SEC22C: variants seen among roughly 807,000 people sequenced by gnomAD.
SEC22C encodes the protein SEC22 homolog C, vesicle trafficking protein.
In SEC22C, 29 loss-of-function variants were observed where a neutral mutation model predicts 34.7. The ratio of observed to expected loss-of-function variants is 0.84; its 90% CI spans 0.62 to 1.14. The LOEUF (loss-of-function observed/expected upper bound fraction) is 1.14, where lower values mean the gene tolerates loss of function less well. Among genes scored for constraint, SEC22C ranks in the 50% most tolerant of loss-of-function variants. The probability of loss-of-function intolerance (pLI) is 0.00; values close to 1 mark genes in which losing one functional copy is unlikely to be tolerated. For synonymous variants in SEC22C, 117 were observed against 132.8 expected, an observed-to-expected ratio of 0.88 and a Z score of 0.82; for missense variants, 337 against 369.0, an observed-to-expected ratio of 0.91 and a Z score of 0.71.
In SEC22C at chr3:42,552,749, T is replaced by C. The variant is rs1702310059; in HGVS notation, c.*499A>G. 3 of 982,008 alleles carry C rather than the reference T, an allele frequency of 3.1e-6. No homozygotes were observed. Among genetic ancestry groups the C allele is most frequent in the Non-Finnish European group, 2.4e-6 (2 of 826,860 alleles). The allele number at this position is 982,008 out of a possible 1,614,324, so 60.8% of individuals were successfully genotyped here. A position where few individuals can be genotyped will look rare whatever the true frequency, so the allele number is the denominator to read the frequency against. On this transcript the variant is annotated 3_prime_UTR_variant, in exon 7 of 7. Coordinates refer to ENST00000264454, the MANE Select transcript of SEC22C (RefSeq NM_032970.4). ...TGAAAAAATGTAAACAAAATTTATC[T>C]AGCTTACATTTATGAACCATATTTT...
At chr3:42,556,124 C>G (rs900767517) in intron 5 of SEC22C, 129 bp from the exon 6 acceptor site, 22 of 680,644 alleles carry the variant, frequency 3.2e-5, no homozygotes, top group Non-Finnish European at 5.3e-5. Context: ...GGGTGAGACA[C>G]AAGTTCCTGT....
intron 1 of SEC22C, among the ~76,000 whole-genome samples, chr3:42,595,911 C>CT (rs745337035): frequency 2.1e-3 from 315 of 152,322 alleles, no homozygotes; most frequent in Non-Finnish European, 3.8e-3. Flanking sequence ...GGTTGTGAGA[C>CT]TGAGATAACG....
intron 6 of SEC22C, among the ~76,000 whole-genome samples, chr3:42,555,129 A>G (rs1702454612): frequency 6.6e-6 from 1 of 152,074 alleles, no homozygotes; most frequent in South Asian, 2.1e-4. Context: ...GTGGATCACA[A>G]GGTCAGGAGA....
Position 42,557,578 on chromosome 3 carries a change from C to A in SEC22C, c.645G>T (p.Gln215His). 3 of 1,449,512 alleles carry A rather than the reference C, an allele frequency of 2.1e-6. No homozygotes were observed. The highest frequency in any genetic ancestry group is 1.3e-5 in the South Asian group (1 of 77,240). The allele number at this position is 1,449,512 out of a possible 1,614,324, so 89.8% of individuals were successfully genotyped here. A position where few individuals can be genotyped will look rare whatever the true frequency, so the allele number is the denominator to read the frequency against. Residue 215 changes from glutamine to histidine, a missense_variant and splice_region_variant, in exon 5 of 7, where the codon CAG (glutamine) becomes CAT (histidine). Transcript: ENST00000264454. ...GTTTTAAAAAAAAAAAAAAGGTTAC[C>A]TGTAAAGAATGTTCTGCAAGGTGAA... The part of the protein sequence containing the change: ...RGVHLAEHSL[Q>H]VAHEEIGNIL...
chr3:42,573,273 C>T (rs1174398694), intron 1 of SEC22C: 2 of 152,256 alleles, frequency 1.3e-5, no homozygotes, highest in Admixed American at 6.5e-5. Flanking sequence ...TGCCTGTAAT[C>T]CTGGCACTTT....
In SEC22C at chr3:42,551,376, C is replaced by A; in HGVS notation, c.*1872G>T. On this transcript the variant is annotated 3_prime_UTR_variant, in exon 7 of 7. Transcript: ENST00000264454. ...GACTTTTTAGAGACAGGGTTTCACTCTGTCATGCAGGCTGGGGTGCAGTGG... is the reference window on the plus strand; with the variant it reads ...GACTTTTTAGAGACAGGGTTTCACTATGTCATGCAGGCTGGGGTGCAGTGG... 1.0e-6 allele frequency: 1 copy of A among 979,582 alleles called. No homozygotes were observed. The highest frequency in any genetic ancestry group is 1.2e-6 in the Non-Finnish European group (1 of 824,786). The allele number at this position is 979,582 out of a possible 1,614,324, so 60.7% of individuals were successfully genotyped here. A position where few individuals can be genotyped will look rare whatever the true frequency, so the allele number is the denominator to read the frequency against.
Position 42,561,264 on chromosome 3 carries a change from T to G in SEC22C, c.379A>C (p.Asn127His). ...SIIQKVKWHF[N>H]YVSSSQMECS... ...TCCATCTGAGAGGAACTTACATAGT[T>G]AAAATGCCACTTCACTTTCTGAATG... Residue 127 changes from asparagine (N) to histidine (H), a missense_variant, in exon 4 of 7, where the codon AAC becomes CAC. By Grantham distance (68) the Asn-to-His change is moderately conservative. Coordinates refer to ENST00000264454, the MANE Select transcript of SEC22C (RefSeq NM_032970.4). The G allele has an allele frequency of 6.2e-7, 1 of 1,614,208 alleles. No homozygotes were observed. The highest frequency in any genetic ancestry group is 8.5e-7 in the Non-Finnish European group (1 of 1,180,030).
chr3:42,566,766 G>C, intron 2 of SEC22C: 1 of 351,644 alleles, frequency 2.8e-6, no homozygotes, highest in South Asian at 2.1e-5. Context: ...GGCTTTGGAA[G>C]GCCAAGGCGG....
rs773482685 is a variant in SEC22C, at chr3:42,563,773, T to C, written c.183-87A>G. 8.2e-6 allele frequency: 13 copies of C among 1,585,382 alleles called. No homozygotes were observed. In the East Asian group the frequency reaches 2.5e-4, roughly 31 times the overall value. ...CCCAGACACAACCTTACCTGAATTC[T>C]GCACTTGCTTGGCTTTAAACAGTCC... On this transcript the variant is annotated intron_variant, in intron 2 of 6. Transcript: ENST00000264454.
intron 2 of SEC22C, among the ~76,000 whole-genome samples, chr3:42,565,105 C>T (rs1054643698): frequency 1.3e-5 from 2 of 152,178 alleles, no homozygotes; most frequent in African/African-American, 4.8e-5. Context: ...CCAAACCAAG[C>T]TCCAATTTTA....
At chr3:42,580,174 T>C (rs1704235543) in intron 1 of SEC22C, among the ~76,000 whole-genome samples, 1 of 152,134 alleles carries the variant, frequency 6.6e-6, no homozygotes, top group South Asian at 2.1e-4. Flanking sequence ...TGTTTTTTCT[T>C]CCACCTTTTA....
intron 2 of SEC22C, chr3:42,565,693 T>C: frequency 3.3e-6 from 1 of 301,750 alleles, no homozygotes; most frequent in South Asian, 2.8e-5. Context: ...AAACCAAGGA[T>C]TGCCAATGAC....
In SEC22C at chr3:42,569,061, G is replaced by T; in HGVS notation, c.-15C>A. 1 of 1,611,488 alleles carries T rather than the reference G, an allele frequency of 6.2e-7. No homozygotes were observed. Among genetic ancestry groups the T allele is most frequent in the South Asian group, 1.1e-5 (1 of 90,674 alleles). ...ATCACGGACATGGTCCACAAGAGAA[G>T]TCATGAGGACACCTGAGGAAAGCAA... is the stretch of plus-strand genomic sequence containing the variant. On this transcript the variant is annotated 5_prime_UTR_variant, in exon 2 of 7. Coordinates refer to ENST00000264454, the MANE Select transcript of SEC22C (RefSeq NM_032970.4).
At chr3:42,577,295 T>TA (rs1247091105) in intron 1 of SEC22C, among the ~76,000 whole-genome samples, 1 of 152,158 alleles carries the variant, frequency 6.6e-6, no homozygotes, top group African/African-American at 2.4e-5. Context: ...TTTGCTTCTC[T>TA]AGGAAAGCCC....
chr3:42,572,061 G>A (rs1044957649), intron 1 of SEC22C, among the ~76,000 whole-genome samples: 3 of 152,004 alleles, frequency 2.0e-5, no homozygotes, highest in Admixed American at 1.3e-4. Context: ...TCTGAAAGGT[G>A]GAGAAGGAAG....
intron 1 of SEC22C, among the ~76,000 whole-genome samples, chr3:42,598,855 T>C (rs1326397962): frequency 6.6e-6 from 1 of 151,962 alleles, no homozygotes; most frequent in Non-Finnish European, 1.5e-5. Flanking sequence ...ATACAGTTAA[T>C]GCCAGCGAAC....
intron 1 of SEC22C, among the ~76,000 whole-genome samples, chr3:42,587,104 T>C (rs1319180401): frequency 6.6e-6 from 1 of 152,238 alleles, no homozygotes; most frequent in Non-Finnish European, 1.5e-5. Flanking sequence ...GCCTGCATGC[T>C]TGTAGCAGCC....
intron 4 of SEC22C, among the ~76,000 whole-genome samples, chr3:42,558,879 G>C (rs1236005737): frequency 6.6e-6 from 1 of 152,162 alleles, no homozygotes; most frequent in Non-Finnish European, 1.5e-5. Context: ...GTTGTCAAAT[G>C]TTTAAAGCAT....
At chr3:42,584,606 G>A (rs1206130545), upstream of SEC22C, among the ~76,000 whole-genome samples, 1 of 152,118 alleles carries the variant, frequency 6.6e-6, no homozygotes, top group African/African-American at 2.4e-5. Flanking sequence ...ATCGAAGTGG[G>A]GCTTACATAG....
Sources: gnomAD v4.1 joint callset for allele counts (sites outside exome capture counted in the v4.1 genomes callset) on GRCh38, gnomAD v4.1.1 for gene constraint, MANE v1.5 for transcripts, NCBI Gene and HGNC (gene_info 2026-07-23, HGNC 2026-07-21) for gene names.